The following SRGAP1 variants were observed in gnomAD, a reference collection of about 807,000 sequenced individuals.
SRGAP1 encodes the protein SLIT-ROBO Rho GTPase-activating protein 1.
Under a neutral mutation model 121.9 loss-of-function variants are expected in SRGAP1, and 43 were observed. The observed-to-expected ratio is 0.35, with a 90% CI of 0.28 to 0.46. The LOEUF is 0.46. SRGAP1 is among the 20% of genes least tolerant of loss of function. The probability of loss-of-function intolerance (pLI) is 1.00; values close to 1 mark genes in which losing one functional copy is unlikely to be tolerated. For synonymous variants in SRGAP1, 447 were observed against 485.4 expected (o/e 0.92, Z 1.04); for missense variants, 1,102 against 1,350.9 (o/e 0.82, Z 2.89).
intron 1 of SRGAP1, among the ~76,000 whole-genome samples, chr12:63,909,971 T>C (rs2030415394): frequency 6.6e-6 from 1 of 152,244 alleles, no homozygotes; most frequent in African/African-American, 2.4e-5. Context: ...CAACCCGTTA[T>C]AGATGTTAAC....
intron 1 of SRGAP1, among the ~76,000 whole-genome samples, chr12:63,890,575 G>T (rs1383782352): frequency 6.6e-6 from 1 of 152,184 alleles, no homozygotes; most frequent in East Asian, 1.9e-4. Context: ...GAGTTGTGGG[G>T]TGTGGGCCCT....
At chr12:63,951,994 T>TA (rs2032314965) in intron 1 of SRGAP1, among the ~76,000 whole-genome samples, 1 of 152,084 alleles carries the variant, frequency 6.6e-6, no homozygotes, top group African/African-American at 2.4e-5. Context: ...AAATATGTAA[T>TA]AGAGAGTAGG....
chr12:63,890,920 C>T (rs537773883), intron 1 of SRGAP1, among the ~76,000 whole-genome samples: 23 of 152,344 alleles, frequency 1.5e-4, no homozygotes, highest in South Asian at 8.3e-4. Context: ...GTTCTCCCTG[C>T]GCAAAGGAGA....
chr12:64,045,635 C>T (rs2035114716), intron 6 of SRGAP1, among the ~76,000 whole-genome samples: 3 of 152,018 alleles, frequency 2.0e-5, no homozygotes, highest in African/African-American at 7.2e-5. Context: ...GGGGATTTAC[C>T]ATGTTGGTTA....
chr12:63,949,488 C>T (rs924540268), intron 1 of SRGAP1, among the ~76,000 whole-genome samples: 2 of 150,014 alleles, frequency 1.3e-5, no homozygotes, highest in South Asian at 2.1e-4. Context: ...AGTGCAGTGG[C>T]GTGATGTTGG....
chr12:63,968,177 G>C (rs1234581181), intron 1 of SRGAP1, among the ~76,000 whole-genome samples: 1 of 152,108 alleles, frequency 6.6e-6, no homozygotes, highest in African/African-American at 2.4e-5. Context: ...TGTGAATTTT[G>C]TTCCTCTTAT....
chr12:64,142,555 C>G lies in SRGAP1; in HGVS notation c.3141C>G (p.Gly1047=). Residue 1047 remains glycine, a synonymous_variant, in exon 22 of 22, where the codon GGC becomes GGG. Coordinates refer to ENST00000355086, the MANE Select transcript of SRGAP1 (RefSeq NM_020762.4). ...TFKPMVAPRM[G]VQLKPPALRP... Reference sequence around the variant, plus strand: ...AGCCTATGGTGGCACCCAGAATGGGCGTGCAGCTGAAGCCTCCAGCCCTTA... The same window carrying G: ...AGCCTATGGTGGCACCCAGAATGGGGGTGCAGCTGAAGCCTCCAGCCCTTA... 4 of 1,614,198 alleles carry G rather than the reference C, an allele frequency of 2.5e-6. No individual in the cohort carries two copies. The South Asian group carries it at 4.4e-5, about 18-fold the overall frequency.
At chr12:64,043,375 A>G in intron 5 of SRGAP1, 72 bp from the exon 6 acceptor site, 5 of 1,421,874 alleles carry the variant, frequency 3.5e-6, no homozygotes, top group Non-Finnish European at 4.8e-6. Context: ...ATAAAAATGC[A>G]TGTATGTTTC....
intron 4 of SRGAP1, among the ~76,000 whole-genome samples, chr12:64,034,937 G>C (rs1406818677): frequency 6.6e-6 from 1 of 152,058 alleles, no homozygotes; most frequent in Non-Finnish European, 1.5e-5. Flanking sequence ...AGCCACATTG[G>C]CCCAGGGAGA....
At chr12:64,121,630 A>G (rs921520940) in intron 18 of SRGAP1, among the ~76,000 whole-genome samples, 5 of 151,934 alleles carry the variant, frequency 3.3e-5, no homozygotes, top group Admixed American at 6.6e-5. Context: ...TGTTTCTCAC[A>G]TGGTTTATTT....
At chr12:63,929,948 C>G (rs1405741859) in intron 1 of SRGAP1, among the ~76,000 whole-genome samples, 1 of 151,996 alleles carries the variant, frequency 6.6e-6, no homozygotes, top group Non-Finnish European at 1.5e-5. Flanking sequence ...AAAAAAAGCT[C>G]AACATCACTG....
At chr12:63,990,530 TCAAA>T (rs1017206026) in intron 3 of SRGAP1, among the ~76,000 whole-genome samples, 6 of 152,208 alleles carry the variant, frequency 3.9e-5, no homozygotes, top group Middle Eastern at 6.8e-3. Context: ...AGACTCCGAC[TCAAA>T]CAAACAAAAA....
intron 1 of SRGAP1, among the ~76,000 whole-genome samples, chr12:63,961,970 G>C (rs1335714249): frequency 2.0e-5 from 3 of 152,152 alleles, no homozygotes; most frequent in African/African-American, 7.2e-5. Flanking sequence ...GACAGGGAAG[G>C]TGGAAAGGAG....
intron 3 of SRGAP1, among the ~76,000 whole-genome samples, chr12:64,012,898 A>G (rs1276860296): frequency 6.6e-6 from 1 of 151,944 alleles, no homozygotes; most frequent in Non-Finnish European, 1.5e-5. Context: ...TATTTAACCT[A>G]TTAAATATTT....
At chr12:64,101,316 T>TGTGTGC (rs1333958890) in intron 15 of SRGAP1, among the ~76,000 whole-genome samples, 1 of 140,432 alleles carries the variant, frequency 7.1e-6, no homozygotes, top group Non-Finnish European at 1.5e-5. Flanking sequence ...GGGGTGTGTG[T>TGTGTGC]GTGTGTGTGT....
chr12:64,002,467 T>C (rs1393064500), intron 3 of SRGAP1, among the ~76,000 whole-genome samples: 4 of 152,096 alleles, frequency 2.6e-5, no homozygotes, highest in Non-Finnish European at 4.4e-5. Context: ...GCCCCAACTT[T>C]CCAGTTAGAG....
chr12:63,882,606 A>G (rs1900231031), intron 1 of SRGAP1, among the ~76,000 whole-genome samples: 1 of 152,216 alleles, frequency 6.6e-6, no homozygotes, highest in African/African-American at 2.4e-5. Context: ...TATAATTAAA[A>G]AATTTTAAAG....
chr12:63,952,559 A>G (rs1034942421), intron 1 of SRGAP1, among the ~76,000 whole-genome samples: 1 of 152,114 alleles, frequency 6.6e-6, no homozygotes, highest in Admixed American at 6.5e-5. Flanking sequence ...GAAAAAATCC[A>G]CACCAATGAG....
rs2037098009 is a variant in SRGAP1 at position 64,149,716 on chromosome 12, C to T, written c.*7044C>T. The T allele has an allele frequency of 1.3e-5, 2 of 152,120 alleles. No individual in the cohort carries two copies. The highest frequency in any genetic ancestry group is 2.9e-5 in the Non-Finnish European group (2 of 68,034). 9.4% of individuals were successfully genotyped at this position (152,120 alleles called of 1,614,324 possible). On this transcript the variant is annotated 3_prime_UTR_variant, in exon 22 of 22. Transcript: ENST00000355086. The stretch of plus-strand genomic sequence containing the variant: ...TGGCTTCTGCCTTGAGTAGTTGGGA[C>T]TCCTAAAAAGGAAAATTCCCCAAGT...
Sources: allele counts gnomAD v4.1 joint callset (sites outside exome capture counted in the v4.1 genomes callset), GRCh38; gene constraint gnomAD v4.1.1; transcripts MANE v1.5; gene names NCBI Gene and HGNC (gene_info 2026-07-23, HGNC 2026-07-21).